WLS: variants seen among roughly 807,000 people sequenced by gnomAD.
WLS encodes Wnt ligand secretion mediator.
Under a neutral mutation model 62.8 loss-of-function variants are expected in WLS, and 23 were observed. That is an observed-to-expected ratio of 0.37 (90% CI 0.26 to 0.52). WLS has a LOEUF of 0.52. WLS is among the 20% of genes least tolerant of loss of function. The probability of loss-of-function intolerance (pLI) is 0.92; values close to 1 mark genes in which losing one functional copy is unlikely to be tolerated. For synonymous variants in WLS, 246 were observed against 244.1 expected, an observed-to-expected ratio of 1.01 and a Z score of -0.07; for missense variants, 615 against 697.3, an observed-to-expected ratio of 0.88 and a Z score of 1.33.
intron 2 of WLS, among the ~76,000 whole-genome samples, chr1:68,190,918 C>T (rs1343973533): frequency 2.0e-5 from 3 of 152,012 alleles, no homozygotes; most frequent in South Asian, 4.2e-4. Flanking sequence ...ATTAGCCAGG[C>T]GTGGTGGCAC....
chr1:68,112,512 T>C (rs893526574), intron 11 of WLS, among the ~76,000 whole-genome samples: 2 of 152,196 alleles, frequency 1.3e-5, no homozygotes, highest in African/African-American at 4.8e-5. Flanking sequence ...CACCCCAGAC[T>C]CTCTGCTAAA....
chr1:68,149,194 G>A (rs1002960528), intron 6 of WLS, among the ~76,000 whole-genome samples: 7 of 152,266 alleles, frequency 4.6e-5, no homozygotes, highest in African/African-American at 1.7e-4. Flanking sequence ...AAGGAATGTA[G>A]AATGAGAAAA....
chr1:68,145,206 A>G (rs1234562187), intron 9 of WLS, among the ~76,000 whole-genome samples: 1 of 152,200 alleles, frequency 6.6e-6, no homozygotes, highest in East Asian at 1.9e-4. Flanking sequence ...TCTACTGCAT[A>G]TAAAAACTCT....
chr1:68,152,661 G>A (rs1158961734), intron 5 of WLS, among the ~76,000 whole-genome samples: 1 of 152,330 alleles, frequency 6.6e-6, no homozygotes, highest in African/African-American at 2.4e-5. Flanking sequence ...ACTCAAGAGA[G>A]AACAGAGGAG....
At chr1:68,134,373 G>C (rs1056623601) in intron 11 of WLS, among the ~76,000 whole-genome samples, 11 of 152,132 alleles carry the variant, frequency 7.2e-5, no homozygotes, top group Non-Finnish European at 1.0e-4. Context: ...AAAGGGAAGG[G>C]CCCACAAGCT....
intron 11 of WLS, among the ~76,000 whole-genome samples, chr1:68,099,131 G>T (rs1646045393): frequency 6.6e-6 from 1 of 152,092 alleles, no homozygotes; most frequent in Non-Finnish European, 1.5e-5. Flanking sequence ...CCCAGCACAG[G>T]CACTGGGGGA....
chr1:68,144,321 G>A (rs1286810308), intron 10 of WLS, among the ~76,000 whole-genome samples: 1 of 152,158 alleles, frequency 6.6e-6, no homozygotes, highest in South Asian at 2.1e-4. Flanking sequence ...AATAAAATAT[G>A]TGCCCTTCAA....
chr1:68,124,169 A>G (rs183292988), downstream of WLS, among the ~76,000 whole-genome samples: 13 of 152,154 alleles, frequency 8.5e-5, 1 homozygote, highest in South Asian at 4.2e-4. Context: ...CTCTCCTCCA[A>G]GTCCTCTGCT....
At position 68,125,635 on chromosome 1, in the gene WLS, G is replaced by A. The variant is rs1292702161; in HGVS notation, c.*591C>T. 1.0e-6 allele frequency: 1 copy of A among 985,368 alleles called. No individual in the cohort carries two copies. 61.0% of individuals were successfully genotyped at this position (985,368 alleles called of 1,614,324 possible). ...TGGTTTCAAAGCTGAAATACCCCTG[G>A]TGGAATAAATCTTCTCATGAAATTC... On this transcript the variant is annotated 3_prime_UTR_variant, in exon 12 of 12. Transcript: ENST00000262348.
intron 11 of WLS, among the ~76,000 whole-genome samples, chr1:68,116,261 C>T (rs1310157929): frequency 6.6e-6 from 1 of 152,170 alleles, no homozygotes; most frequent in African/African-American, 2.4e-5. Flanking sequence ...ACAGGGACAA[C>T]AATCAGCAGG....
chr1:68,098,591 C>G (rs760971085), exon 12 of WLS: 2 of 1,608,412 alleles, frequency 1.2e-6, no homozygotes, highest in African/African-American at 2.7e-5. Context: ...ACTGTGACAA[C>G]TGCAAATGCA....
intron 11 of WLS, among the ~76,000 whole-genome samples, chr1:68,113,254 G>A (rs916388860): frequency 1.3e-5 from 2 of 152,202 alleles, no homozygotes; most frequent in African/African-American, 4.8e-5. Context: ...AGATTTATGA[G>A]TTTGAGAAAG....
chr1:68,148,842 G>A (rs1646788023), intron 6 of WLS, among the ~76,000 whole-genome samples, 182 bp from the exon 7 acceptor site: 1 of 152,106 alleles, frequency 6.6e-6, no homozygotes, highest in African/African-American at 2.4e-5. Context: ...TCTCTGTGGG[G>A]GAGTCTGGCA....
At chr1:68,120,450 C>A (rs1046550679), downstream of WLS, among the ~76,000 whole-genome samples, 1 of 152,180 alleles carries the variant, frequency 6.6e-6, no homozygotes, top group Non-Finnish European at 1.5e-5. Context: ...AGTTGCAGCT[C>A]ACAACATTCT....
chr1:68,230,939 G>C (rs568798582), intron 1 of WLS, among the ~76,000 whole-genome samples: 1 of 152,030 alleles, frequency 6.6e-6, no homozygotes, highest in East Asian at 1.9e-4. Context: ...CGCCGCCGGC[G>C]CCCCCGGGCG....
intron 1 of WLS, among the ~76,000 whole-genome samples, chr1:68,195,294 T>A (rs1648603220): frequency 6.6e-6 from 1 of 152,200 alleles, no homozygotes; most frequent in Non-Finnish European, 1.5e-5. Flanking sequence ...TCACCACAAA[T>A]CCACACTAGG....
At chr1:68,188,883 T>A (rs1161934121) in intron 2 of WLS, among the ~76,000 whole-genome samples, 1 of 152,060 alleles carries the variant, frequency 6.6e-6, no homozygotes, top group Non-Finnish European at 1.5e-5. Context: ...GAACACCGAG[T>A]CTTATTTGTT....
chr1:68,162,843 G>T, intron 2 of WLS: 2 of 1,348,408 alleles, frequency 1.5e-6, no homozygotes, highest in Non-Finnish European at 2.1e-6. Flanking sequence ...GGATGATGGT[G>T]TGGTACATCA....
At chr1:68,210,985 G>A (rs148607825) in intron 1 of WLS, among the ~76,000 whole-genome samples, 1 of 152,002 alleles carries the variant, frequency 6.6e-6, no homozygotes, top group Admixed American at 6.5e-5. Context: ...CCTCTTTCTT[G>A]GAATGTACCG....
Sources: gnomAD v4.1 joint callset for allele counts (sites outside exome capture counted in the v4.1 genomes callset) on GRCh38, gnomAD v4.1.1 for gene constraint, MANE v1.5 for transcripts, NCBI Gene and HGNC (gene_info 2026-07-23, HGNC 2026-07-21) for gene names.